The following P2RY12 variants were observed in gnomAD, a reference collection of about 807,000 sequenced individuals.
P2RY12 encodes the protein purinergic receptor P2Y12.
P2RY12 carries 3 observed loss-of-function variants against 4.5 expected under a neutral mutation model. The ratio of observed to expected loss-of-function variants is 0.67; its 90% CI spans 0.31 to 1.74. P2RY12 has a LOEUF of 1.74. Ranked by LOEUF, P2RY12 falls within the 40% of genes most tolerant of loss-of-function variation. P2RY12 has a pLI of 0.09. For missense variants in P2RY12, 356 were observed against 407.8 expected, an observed-to-expected ratio of 0.87 and a Z score of 1.09; for synonymous variants, 148 against 154.1, an observed-to-expected ratio of 0.96 and a Z score of 0.29.
At chr3:151,358,267 G>A (rs1395731380) in intron 1 of P2RY12, among the ~76,000 whole-genome samples, 2 of 152,016 alleles carry the variant, frequency 1.3e-5, no homozygotes, top group Non-Finnish European at 2.9e-5. Flanking sequence ...ACATCAGAAT[G>A]TAAGAATATT....
chr3:151,379,986 C>A, intron 1 of P2RY12: 84 of 552,630 alleles, frequency 1.5e-4, no homozygotes, highest in East Asian at 3.0e-4. Flanking sequence ...TTTAAATTTT[C>A]AAGCAGTCTT....
intron 1 of P2RY12, chr3:151,378,061 T>C: frequency 6.2e-7 from 1 of 1,610,518 alleles, no homozygotes; most frequent in Non-Finnish European, 8.5e-7. Flanking sequence ...CATCGCCAGG[T>C]TGCCAACTTC....
chr3:151,360,423 C>T, intron 1 of P2RY12: 2 of 1,549,462 alleles, frequency 1.3e-6, no homozygotes, highest in Non-Finnish European at 1.8e-6. Context: ...CAAATGATAA[C>T]CCACATAGTA....
intron 1 of P2RY12, chr3:151,349,983 C>T: frequency 7.2e-7 from 1 of 1,396,306 alleles, no homozygotes; most frequent in Non-Finnish European, 9.9e-7. Context: ...GTGCTGTGGT[C>T]AGTGCATTTC....
chr3:151,346,205 A>G (rs1752516875), intron 1 of P2RY12, among the ~76,000 whole-genome samples: 1 of 152,180 alleles, frequency 6.6e-6, no homozygotes, highest in East Asian at 1.9e-4. Context: ...TCAAGTAGAA[A>G]GATGTTCCTT....
intron 1 of P2RY12, chr3:151,372,807 T>A: frequency 6.5e-7 from 1 of 1,534,008 alleles, no homozygotes; most frequent in African/African-American, 1.4e-5. Flanking sequence ...AGTACGTAAC[T>A]CTTCTTTTGG....
chr3:151,338,195 G>A lies in P2RY12; in HGVS notation c.651C>T (p.Tyr217=). The A allele has an allele frequency of 1.2e-6, 2 of 1,614,000 alleles. No individual in the cohort carries two copies. The highest frequency in any genetic ancestry group is 1.6e-4 in the Middle Eastern group (1 of 6,062). Residue 217 remains tyrosine (Y), a synonymous_variant, in exon 3 of 3, where the codon TAC becomes TAT. Coordinates refer to ENST00000302632, the MANE Select transcript of P2RY12 (RefSeq NM_022788.5). The part of the protein sequence containing the change: ...VCYTLITKEL[Y]RSYVRTRGVG... ...CACCCCTCGTTCTTACGTATGACCG[G>A]TACAGTTCTTTTGTAATGAGTGTAT...
Position 151,377,965 on chromosome 3 carries a change from AG to A in P2RY12, c.-180+6726del. Reference sequence around the variant, plus strand: ...GAGTTTCTGTTATAACTGTGAGAGCAGGGGAAAGGATGCTTTCTCCGGTGTA... The same window carrying A: ...GAGTTTCTGTTATAACTGTGAGAGCAGGGAAAGGATGCTTTCTCCGGTGTA... On this transcript the variant is annotated intron_variant, in intron 1 of 2. Transcript: ENST00000302632. The A allele has an allele frequency of 2.6e-6, 4 of 1,509,812 alleles. No homozygotes were observed. In the South Asian group the frequency reaches 5.2e-5, roughly 20 times the overall value. 93.5% of individuals were successfully genotyped at this position (1,509,812 alleles called of 1,614,324 possible).
At chr3:151,341,543 G>A (rs1489636372) in intron 1 of P2RY12, among the ~76,000 whole-genome samples, 2 of 148,394 alleles carry the variant, frequency 1.3e-5, no homozygotes, top group East Asian at 4.0e-4. Flanking sequence ...GAGATTGAAG[G>A]GCAAAGTGTT....
At position 151,352,782 on chromosome 3, in the gene P2RY12, G is replaced by T. The variant is rs573675610; in HGVS notation, c.-179-12022C>A. Among the ~76,000 whole-genome samples the T allele has an allele frequency of 2.6e-5, 4 of 152,146 alleles. No homozygotes were observed. In the South Asian group the frequency reaches 6.2e-4, roughly 24 times the overall value. On this transcript the variant is annotated intron_variant, in intron 1 of 2. Coordinates refer to ENST00000302632, the MANE Select transcript of P2RY12 (RefSeq NM_022788.5). ...CAGTTATCTTTTTTGGTTGTCAATG[G>T]TGTATCTTTTGAAAATATTAGTGAA...
At chr3:151,372,645 G>A (rs148564985) in intron 1 of P2RY12, 3 of 1,613,788 alleles carry the variant, frequency 1.9e-6, no homozygotes, top group Non-Finnish European at 1.7e-6. Context: ...CGATGTGATG[G>A]GAATGCTGAT....
intron 1 of P2RY12, among the ~76,000 whole-genome samples, chr3:151,363,495 G>A (rs184690316): frequency 2.4e-4 from 37 of 152,280 alleles, no homozygotes; most frequent in Admixed American, 7.2e-4. Context: ...ACTGCTGTGT[G>A]CCAAGCACTG....
rs373158804 is a variant in P2RY12 at position 151,375,983 on chromosome 3, C to T, written c.-180+8709G>A. The stretch of plus-strand genomic sequence containing the variant: ...TAGTACATATTGCATATATATATAC[C>T]GAAAGCCAGTGCCTGTCAATCTAAT... On this transcript the variant is annotated intron_variant, in intron 1 of 2. Transcript: ENST00000302632. The T allele has an allele frequency of 8.1e-5, 76 of 942,480 alleles. 1 individual carries two copies. In the South Asian group the frequency reaches 9.9e-4, roughly 12 times the overall value. 58.4% of individuals were successfully genotyped at this position (942,480 alleles called of 1,614,324 possible). A position where few individuals can be genotyped will look rare whatever the true frequency, so the allele number is the denominator to read the frequency against.
intron 1 of P2RY12, among the ~76,000 whole-genome samples, chr3:151,366,945 T>A (rs1755356365): frequency 6.6e-6 from 1 of 152,170 alleles, no homozygotes; most frequent in Non-Finnish European, 1.5e-5. Context: ...CTTATGGTGG[T>A]GTGCTAATAA....
At chr3:151,370,200 T>C (rs896463782) in intron 1 of P2RY12, among the ~76,000 whole-genome samples, 26 of 152,338 alleles carry the variant, frequency 1.7e-4, no homozygotes, top group Admixed American at 1.6e-3. Context: ...TACAGGGTAA[T>C]ACATTAAAAC....
chr3:151,359,643 C>A (rs1318848677), intron 1 of P2RY12, among the ~76,000 whole-genome samples: 2 of 152,142 alleles, frequency 1.3e-5, no homozygotes, highest in Non-Finnish European at 2.9e-5. Flanking sequence ...ACCTTTCTGC[C>A]TCTCAGAGCC....
At chr3:151,347,635 T>C (rs962448001) in intron 1 of P2RY12, among the ~76,000 whole-genome samples, 1 of 152,104 alleles carries the variant, frequency 6.6e-6, no homozygotes, top group Non-Finnish European at 1.5e-5. Context: ...AGGGAGGAAG[T>C]GCCCTGGAGT....
chr3:151,363,772 T>C (rs1239783343), intron 1 of P2RY12, among the ~76,000 whole-genome samples: 1 of 152,186 alleles, frequency 6.6e-6, no homozygotes, highest in African/African-American at 2.4e-5. Flanking sequence ...ATACGGACTC[T>C]ATACACCCAC....
In P2RY12 at chr3:151,367,735, G is replaced by A. The variant is rs150120181; in HGVS notation, c.-180+16957C>T. The A allele has an allele frequency of 1.2e-5, 19 of 1,611,362 alleles. No homozygotes were observed. In the African/African-American group the frequency reaches 1.7e-4, roughly 15 times the overall value. On this transcript the variant is annotated intron_variant, in intron 1 of 2. Transcript: ENST00000302632. The stretch of plus-strand genomic sequence containing the variant: ...GTTTTTCCCTGGAGGACGTCGTGCA[G>A]CATGTCGCACTTCCCTCTCTTCTAG...
Sources: allele counts gnomAD v4.1 joint callset (sites outside exome capture counted in the v4.1 genomes callset), GRCh38; gene constraint gnomAD v4.1.1; transcripts MANE v1.5; gene names NCBI Gene and HGNC (gene_info 2026-07-23, HGNC 2026-07-21).